SELENOS: variants seen among roughly 807,000 people sequenced by gnomAD.
The protein encoded by SELENOS is selenoprotein S.
In SELENOS, 37 loss-of-function variants were observed where a neutral mutation model predicts 30.2. The observed-to-expected ratio is 1.23, with a 90% CI of 0.94 to 1.61. The LOEUF is 1.61. Among genes scored for constraint, SELENOS ranks in the 40% most tolerant of loss-of-function variants. The probability of loss-of-function intolerance (pLI) is 0.00; values close to 1 mark genes in which losing one functional copy is unlikely to be tolerated. For synonymous variants in SELENOS, 119 were observed against 91.6 expected, an observed-to-expected ratio of 1.30 and a Z score of -1.71; for missense variants, 289 against 231.8, an observed-to-expected ratio of 1.25 and a Z score of -1.60.
intron 1 of SELENOS, chr15:101,276,947 A>C (rs563667175): frequency 1.9e-6 from 1 of 524,784 alleles, no homozygotes; most frequent in East Asian, 3.5e-5. Flanking sequence ...AATGAAGAGC[A>C]ACTAATCTGA....
At chr15:101,274,786 C>T (rs867947676) in intron 3 of SELENOS, 105 bp from the exon 4 acceptor site, 3 of 1,193,118 alleles carry the variant, frequency 2.5e-6, no homozygotes, top group Middle Eastern at 2.2e-4. Context: ...TCAGAACAAA[C>T]TTCACCCTCG....
chr15:101,274,255 A>G (rs1596465239), intron 5 of SELENOS, 165 bp downstream of exon 5: 3 of 745,020 alleles, frequency 4.0e-6, no homozygotes, highest in Non-Finnish European at 6.7e-6. Context: ...GTACTTAGTG[A>G]GGACCTAGGA....
chr15:101,277,441 A>G lies in SELENOS; in HGVS notation c.-24T>C, dbSNP rs1429853691. 2.4e-5 allele frequency: 34 copies of G among 1,432,654 alleles called. No homozygotes were observed. Among genetic ancestry groups the G allele is most frequent in the Non-Finnish European group, 2.9e-5 (32 of 1,101,482 alleles). The allele number at this position is 1,432,654 out of a possible 1,614,324, so 88.7% of individuals were successfully genotyped here. A position where few individuals can be genotyped will look rare whatever the true frequency, so the allele number is the denominator to read the frequency against. On this transcript the variant is annotated 5_prime_UTR_variant, in exon 1 of 6. Transcript: ENST00000526049. ...ATGACCGCCGCCGCCGCCGCCGCCC[A>G]GCCCTGCCGCCGCGCCTCCAGCCGG...
intron 2 of SELENOS, among the ~76,000 whole-genome samples, chr15:101,276,002 A>G (rs570671794): frequency 2.0e-5 from 3 of 150,078 alleles, no homozygotes; most frequent in African/African-American, 7.4e-5. Context: ...GCTCACTGCA[A>G]TCTCCAGCTC....
chr15:101,275,529 G>A (rs1596465942), intron 2 of SELENOS, among the ~76,000 whole-genome samples, 168 bp from the exon 3 acceptor site: 1 of 130,916 alleles, frequency 7.6e-6, no homozygotes, highest in African/African-American at 4.5e-5. Context: ...TACTGCTTCA[G>A]GGGGCAGGGG....
chr15:101,272,611 C>G lies in SELENOS; in HGVS notation c.*160G>C, dbSNP rs1348822804. ...CTCATGCCTAGAGGCAACATCTATA[C>G]CTTTTGCTGACTGGAGCCCTGACAT... On this transcript the variant is annotated 3_prime_UTR_variant, in exon 6 of 6. Transcript: ENST00000526049. The G allele has an allele frequency of 4.5e-6, 3 of 666,430 alleles. No homozygotes were observed. Among genetic ancestry groups the G allele is most frequent in the Non-Finnish European group, 7.8e-6 (3 of 382,660 alleles). 41.3% of individuals were successfully genotyped at this position (666,430 alleles called of 1,614,324 possible).
Position 101,277,365 on chromosome 15 carries a change from C to T in SELENOS, c.53G>A (p.Gly18Glu), listed in dbSNP as rs367739778. ...LSARPALETE[G>E]LRFLHTTVGS... ...ACCCGTGGTGTGCAGGAAGCGCAGC[C>T]CCTCGGTCTCCAGGGCCGGCCGCGC... Residue 18 changes from glycine to glutamate, a missense_variant, in exon 1 of 6, where the codon GGG becomes GAG. Physicochemically the swap from Gly to Glu is moderately conservative, Grantham distance 98. Coordinates refer to ENST00000526049, the MANE Select transcript of SELENOS (RefSeq NM_018445.6). 7.9e-6 allele frequency: 12 copies of T among 1,513,518 alleles called. No individual in the cohort carries two copies. In the East Asian group the frequency reaches 2.4e-4, roughly 30 times the overall value. 93.8% of individuals were successfully genotyped at this position (1,513,518 alleles called of 1,614,324 possible). A position where few individuals can be genotyped will look rare whatever the true frequency, so the allele number is the denominator to read the frequency against.
In SELENOS at chr15:101,274,640, G is replaced by A. The variant is rs116042612; in HGVS notation, c.360C>T (p.Asp120=). The A allele has an allele frequency of 9.5e-4, 1,538 of 1,613,504 alleles. 16 individuals are homozygous for A. In the African/African-American group the frequency reaches 0.017, roughly 18 times the overall value. The change falls in exon 4 of 6, where the codon GAC becomes GAT. Residue 120 remains aspartate, a synonymous_variant. Transcript: ENST00000526049. ...TGTAACTTTTTCCTTCTTGCATGCT[G>A]TCCCACATTTCAATCTTCTGTCTCC... The part of the protein sequence containing the change: ...EKRRQKIEMW[D]SMQEGKSYKG...
At chr15:101,273,053 T>C (rs749032191) in intron 5 of SELENOS, among the ~76,000 whole-genome samples, 197 bp from the exon 6 acceptor site, 1 of 151,968 alleles carries the variant, frequency 6.6e-6, no homozygotes, top group Non-Finnish European at 1.5e-5. Flanking sequence ...TTGAACTGAT[T>C]GTCTGGTGGG....
intron 1 of SELENOS, 142 bp from the exon 2 acceptor site, chr15:101,276,817 G>GTGTTTTAACGATCTAC: frequency 1.1e-6 from 1 of 938,642 alleles, no homozygotes; most frequent in Non-Finnish European, 1.6e-6. Flanking sequence ...TAAGTAGATC[G>GTGTTTTAACGATCTAC]TTAAAACACG....
Position 101,274,666 on chromosome 15 carries a change from T to G in SELENOS, c.334A>C (p.Arg112=), listed in dbSNP as rs1233656039. Residue 112 remains arginine, a synonymous_variant, in exon 4 of 6, where the codon AGG becomes CGG. Coordinates refer to ENST00000526049, the MANE Select transcript of SELENOS (RefSeq NM_018445.6). ...EKLKQLEEEK[R]RQKIEMWDSM... ...TCCCACATTTCAATCTTCTGTCTCC[T>G]TTTTTCTTCTTCAAGCTGAGAAACA... is the stretch of plus-strand genomic sequence containing the variant. 2 of 1,611,324 alleles carry G rather than the reference T, an allele frequency of 1.2e-6. No individual in the cohort carries two copies. Among genetic ancestry groups the G allele is most frequent in the Middle Eastern group, 1.7e-4 (1 of 6,056 alleles).
At chr15:101,271,095 A>G (rs781781022), downstream of SELENOS, 11 of 152,216 alleles carry the variant, frequency 7.2e-5, no homozygotes, top group South Asian at 2.1e-4. Flanking sequence ...GGACGGCAGC[A>G]AGGGAGCTGC....
intron 5 of SELENOS, among the ~76,000 whole-genome samples, chr15:101,273,352 A>T (rs1051712931): frequency 3.9e-5 from 6 of 152,186 alleles, no homozygotes; most frequent in African/African-American, 7.2e-5. Flanking sequence ...CACAACTGGT[A>T]ACCTGGTTGA....
chr15:101,276,323 AC>A (rs1395519027), intron 2 of SELENOS: 1 of 396,616 alleles, frequency 2.5e-6, no homozygotes, highest in Non-Finnish European at 4.3e-6. Context: ...AGCATAGCCC[AC>A]TGCAGCTTTG....
In SELENOS at chr15:101,277,351, G is replaced by A. The variant is rs1296087452; in HGVS notation, c.67C>T (p.His23Tyr). Residue 23 changes from histidine (H) to tyrosine (Y), a missense_variant, in exon 1 of 6, where the codon CAC (histidine) becomes TAC (tyrosine). By Grantham distance (83) the His-to-Tyr change is moderately conservative. Transcript: ENST00000526049. The part of the protein sequence containing the change: ...ALETEGLRFL[H>Y]TTVGSLLATY... ...CCCCGCAACGACTCACCCGTGGTGTGCAGGAAGCGCAGCCCCTCGGTCTCC... is the reference window on the plus strand; with the variant it reads ...CCCCGCAACGACTCACCCGTGGTGTACAGGAAGCGCAGCCCCTCGGTCTCC... 2.0e-6 allele frequency: 3 copies of A among 1,515,034 alleles called. No homozygotes were observed. Among genetic ancestry groups the A allele is most frequent in the Admixed American group, 4.1e-5 (2 of 48,820 alleles). The allele number at this position is 1,515,034 out of a possible 1,614,324, so 93.8% of individuals were successfully genotyped here.
At chr15:101,276,479 C>A in intron 2 of SELENOS, 62 bp downstream of exon 2, 2 of 1,484,156 alleles carry the variant, frequency 1.3e-6, no homozygotes, top group Non-Finnish European at 1.8e-6. Context: ...TACTAAGAGA[C>A]TAACTCTTAA....
intron 1 of SELENOS, chr15:101,276,913 G>A (rs139227907): frequency 7.1e-5 from 39 of 550,162 alleles, no homozygotes; most frequent in African/African-American, 5.9e-4. Flanking sequence ...AGAGTGTGGA[G>A]GGCACAGCAA....
intron 2 of SELENOS, 82 bp downstream of exon 2, chr15:101,276,459 C>T: frequency 7.0e-7 from 1 of 1,429,482 alleles, no homozygotes; most frequent in Non-Finnish European, 9.2e-7. Flanking sequence ...TGTGTGGCCC[C>T]TCTTACTTTT....
chr15:101,275,022 T>C (rs2141297735), intron 3 of SELENOS: 1 of 566,632 alleles, frequency 1.8e-6, no homozygotes, highest in Non-Finnish European at 3.1e-6. Flanking sequence ...CTGTCCCTCC[T>C]TTTGTGCTCT....
Sources: gnomAD v4.1 joint callset for allele counts (sites outside exome capture counted in the v4.1 genomes callset) on GRCh38, gnomAD v4.1.1 for gene constraint, MANE v1.5 for transcripts, NCBI Gene and HGNC (gene_info 2026-07-23, HGNC 2026-07-21) for gene names.